CPNE1: variants seen among roughly 807,000 people sequenced by gnomAD.
CPNE1 encodes the protein copine 1, also known as copine-1.
Under a neutral mutation model 63.2 loss-of-function variants are expected in CPNE1, and 58 were observed. That is an observed-to-expected ratio of 0.92 (90% CI 0.74 to 1.14). The LOEUF is 1.14. Among genes scored for constraint, CPNE1 ranks in the 50% most tolerant of loss-of-function variants. The pLI is 0.00. For missense variants in CPNE1, 672 were observed against 661.7 expected (o/e 1.02, Z -0.17); for synonymous variants, 237 against 249.0 (o/e 0.95, Z 0.45).
chr20:35,653,012 C>T, intron 1 of CPNE1: 2 of 1,613,880 alleles, frequency 1.2e-6, no homozygotes, highest in South Asian at 1.1e-5. Context: ...CCTCCAAAAC[C>T]CGGAACATCC....
chr20:35,648,132 G>A (rs2146327934), intron 1 of CPNE1, among the ~76,000 whole-genome samples: 1 of 152,086 alleles, frequency 6.6e-6, no homozygotes, highest in Middle Eastern at 3.4e-3. Context: ...GAATAGACAG[G>A]GGTTTTCCCA....
rs533052776 is a variant in CPNE1 at position 35,656,217 on chromosome 20, G to A, written c.-1+8543C>T. Reference sequence around the variant, plus strand: ...TATTATTTTCCCCTAGGAGAGGGCTGACAATAAAAATATTTTTTGTTTTTG... The same window carrying A: ...TATTATTTTCCCCTAGGAGAGGGCTAACAATAAAAATATTTTTTGTTTTTG... On this transcript the variant is annotated intron_variant, in intron 1 of 15. Transcript: ENST00000397443. Among the ~76,000 whole-genome samples the A allele has an allele frequency of 3.3e-5, 5 of 152,264 alleles. No individual in the cohort carries two copies. In the South Asian group the frequency reaches 1.0e-3, roughly 32 times the overall value.
In CPNE1 at chr20:35,631,002, G is replaced by A. The variant is rs752232902; in HGVS notation, c.894C>T (p.Asp298=). The change falls in exon 11 of 16, where the codon GAC becomes GAT. Residue 298 remains aspartate, a synonymous_variant. Transcript: ENST00000397443. The part of the protein sequence containing the change: ...VGVDFTGSNG[D]PSSPDSLHYL... The stretch of plus-strand genomic sequence containing the variant: ...AGTGTAGGGAGTCAGGTGAGGAGGG[G>A]TCTCCATTGGAGCCAGTGAAGTCCA... The A allele has an allele frequency of 1.5e-5, 25 of 1,613,834 alleles. No individual in the cohort carries two copies. The highest frequency in any genetic ancestry group is 2.7e-5 in the African/African-American group (2 of 74,824).
chr20:35,658,846 T>A, intron 1 of CPNE1: 4 of 667,814 alleles, frequency 6.0e-6, no homozygotes, highest in African/African-American at 1.9e-5. Flanking sequence ...CACAATATAG[T>A]TGCTACATAT....
chr20:35,664,400 G>A (rs1426294467), intron 1 of CPNE1: 6 of 152,264 alleles, frequency 3.9e-5, no homozygotes, highest in Non-Finnish European at 7.3e-5. Context: ...GCTTCACTGG[G>A]GGAGACAAGA....
chr20:35,655,000 G>A, intron 1 of CPNE1: 1 of 1,614,164 alleles, frequency 6.2e-7, no homozygotes, highest in Non-Finnish European at 8.5e-7. Flanking sequence ...TGAGCTAGGT[G>A]GTGGTCCTGA....
chr20:35,631,119 A>G lies in CPNE1; in HGVS notation c.856T>C (p.Phe286Leu), dbSNP rs150850717. Residue 286 changes from phenylalanine (F) to leucine (L), a missense_variant, in exon 10 of 16, where the codon TTC (phenylalanine) becomes CTC (leucine). Physicochemically the swap from Phe to Leu is conservative, Grantham distance 22. Transcript: ENST00000397443. ...DYVMGGCQIN[F>L]TVGVDFTGSN... is the part of the protein sequence containing the mutation. ...CCCTTGGTAAAGTAACTTACAGTGA[A>G]GTTGATCTGACAGCCTCCCATCACA... The G allele has an allele frequency of 3.7e-5, 59 of 1,614,024 alleles. No homozygotes were observed. The highest frequency in any genetic ancestry group is 4.8e-5 in the Non-Finnish European group (57 of 1,180,036).
intron 1 of CPNE1, chr20:35,654,053 A>T: frequency 6.2e-7 from 1 of 1,614,158 alleles, no homozygotes; most frequent in Non-Finnish European, 8.5e-7. Flanking sequence ...TCATGTGGTG[A>T]TCTTGACCTT....
At position 35,664,876 on chromosome 20, in the gene CPNE1, C is replaced by G. The variant is rs1306990988; in HGVS notation, c.-117G>C. On this transcript the variant is annotated 5_prime_UTR_variant, in exon 1 of 16. Coordinates refer to ENST00000397443, the MANE Select transcript of CPNE1 (RefSeq NM_152925.3). ...GCTTCCCGGAGCCCAACGCAGCCAC[C>G]ACCTCCTTCGCCGCTTCACAAAATG... 1 of 152,380 alleles carries G rather than the reference C, an allele frequency of 6.6e-6. No homozygotes were observed. The highest frequency in any genetic ancestry group is 1.5e-5 in the Non-Finnish European group (1 of 68,134). The allele number at this position is 152,380 out of a possible 1,614,324, so 9.4% of individuals were successfully genotyped here.
chr20:35,632,675 G>T lies in CPNE1; in HGVS notation c.151C>A (p.Arg51=), dbSNP rs189152020. 8.7e-7 allele frequency: 1 copy of T among 1,148,450 alleles called. No individual in the cohort carries two copies. The highest frequency in any genetic ancestry group is 1.3e-6 in the Non-Finnish European group (1 of 754,402). The allele number at this position is 1,148,450 out of a possible 1,614,324, so 71.1% of individuals were successfully genotyped here. Residue 51 remains arginine, a synonymous_variant, in exon 3 of 16, where the codon CGG becomes AGG. Coordinates refer to ENST00000397443, the MANE Select transcript of CPNE1 (RefSeq NM_152925.3). ...WAELGRTERV[R]NCSSPEFSKT... is the part of the protein sequence containing the mutation. ...GAGAACTCAGGGCTTGAGCAGTTCC[G>T]CACCCGTTCAGTCCGGCCAAGCTGT...
chr20:35,650,812 T>C (rs567534728), intron 1 of CPNE1: 20 of 152,712 alleles, frequency 1.3e-4, no homozygotes, highest in African/African-American at 4.6e-4. Context: ...TTCCACTGAC[T>C]CACAACACCA....
chr20:35,653,873 A>G (rs149705870), intron 1 of CPNE1: 11 of 1,614,126 alleles, frequency 6.8e-6, no homozygotes, highest in Middle Eastern at 3.3e-4. Context: ...GCAGCCTTAT[A>G]GTCAGCCTCA....
At chr20:35,642,302 T>C (rs1297460168) in intron 1 of CPNE1, among the ~76,000 whole-genome samples, 1 of 152,160 alleles carries the variant, frequency 6.6e-6, no homozygotes, top group Admixed American at 6.5e-5. Context: ...CAATTCCTTA[T>C]CCACCCCAGG....
intron 1 of CPNE1, chr20:35,649,461 A>G (rs967224710): frequency 6.6e-6 from 1 of 152,556 alleles, no homozygotes; most frequent in African/African-American, 2.4e-5. Flanking sequence ...ACTACACTGA[A>G]TATTACTACC....
At chr20:35,630,853 T>C in intron 11 of CPNE1, 48 bp downstream of exon 11, 1 of 1,604,222 alleles carries the variant, frequency 6.2e-7, no homozygotes, top group African/African-American at 1.3e-5. Flanking sequence ...GCTCAGAGGC[T>C]GAAGCATCTG....
intron 8 of CPNE1, 41 bp from the exon 9 acceptor site, chr20:35,631,395 C>T (rs751427887): frequency 1.9e-6 from 3 of 1,609,344 alleles, no homozygotes; most frequent in Non-Finnish European, 2.6e-6. Context: ...ATTCTCAGAG[C>T]ATCAGTCAAG....
At chr20:35,628,423 G>A (rs1016901724) in intron 13 of CPNE1, among the ~76,000 whole-genome samples, 20 of 152,064 alleles carry the variant, frequency 1.3e-4, no homozygotes, top group Non-Finnish European at 2.5e-4. Context: ...TTGTATAGTG[G>A]AGAAACCTGG....
intron 1 of CPNE1, among the ~76,000 whole-genome samples, chr20:35,658,525 C>T (rs1175035547): frequency 1.3e-5 from 2 of 152,120 alleles, no homozygotes; most frequent in Non-Finnish European, 2.9e-5. Flanking sequence ...CTTTGGGAGG[C>T]TAAGGCAGGT....
At chr20:35,641,792 C>A (rs1341867347) in intron 1 of CPNE1, among the ~76,000 whole-genome samples, 1 of 152,186 alleles carries the variant, frequency 6.6e-6, no homozygotes, top group African/African-American at 2.4e-5. Context: ...AATTAAATGA[C>A]AAAGCTCTTC....
Sources: gnomAD v4.1 joint callset for allele counts (sites outside exome capture counted in the v4.1 genomes callset) on GRCh38, gnomAD v4.1.1 for gene constraint, MANE v1.5 for transcripts, NCBI Gene and HGNC (gene_info 2026-07-23, HGNC 2026-07-21) for gene names.